RAPGEF2: variants seen among roughly 807,000 people sequenced by gnomAD.
The protein encoded by RAPGEF2 is PDZ domain containing guanine nucleotide exchange factor (GEF) 1.
Under a neutral mutation model 186.7 loss-of-function variants are expected in RAPGEF2, and 54 were observed. The ratio of observed to expected loss-of-function variants is 0.29; its 90% confidence interval spans 0.23 to 0.36. The LOEUF (loss-of-function observed/expected upper bound fraction) is 0.36, where lower values mean the gene tolerates loss of function less well. RAPGEF2 is among the 10% of genes least tolerant of loss of function. The probability of loss-of-function intolerance (pLI) is 1.00; values close to 1 mark genes in which losing one functional copy is unlikely to be tolerated. For synonymous variants in RAPGEF2, 712 were observed against 705.9 expected (o/e 1.01, Z -0.14); for missense variants, 1,532 against 2,045.0 (o/e 0.75, Z 4.84).
At chr4:159,275,851 T>A (rs1185870154) in intron 7 of RAPGEF2, among the ~76,000 whole-genome samples, 12 of 152,116 alleles carry the variant, frequency 7.9e-5, no homozygotes, top group Non-Finnish European at 1.8e-4. Context: ...TCCCTCTCTT[T>A]TCTTAGGGAA....
At chr4:159,111,124 C>A (rs920291162) in intron 1 of RAPGEF2, among the ~76,000 whole-genome samples, 3 of 152,086 alleles carry the variant, frequency 2.0e-5, no homozygotes, top group Admixed American at 2.0e-4. Flanking sequence ...CTTTTTCCCT[C>A]CAGTCTGTGA....
At chr4:159,198,071 A>G (rs977151984) in intron 3 of RAPGEF2, among the ~76,000 whole-genome samples, 2 of 151,704 alleles carry the variant, frequency 1.3e-5, no homozygotes, top group African/African-American at 2.4e-5. Context: ...TTATTACACT[A>G]TTTTTTCCTT....
At chr4:159,225,520 T>G (rs894631705) in intron 4 of RAPGEF2, among the ~76,000 whole-genome samples, 2 of 152,126 alleles carry the variant, frequency 1.3e-5, no homozygotes, top group Non-Finnish European at 2.9e-5. Context: ...AATTGATGGA[T>G]AGCATGGTAA....
chr4:159,209,821 GT>G (rs1750345697), intron 3 of RAPGEF2, among the ~76,000 whole-genome samples: 1 of 152,100 alleles, frequency 6.6e-6, no homozygotes, highest in Non-Finnish European at 1.5e-5. Context: ...GTTTTTATTT[GT>G]TTTTATATAA....
intron 10 of RAPGEF2, 83 bp from the exon 11 acceptor site, chr4:159,323,376 T>G: frequency 8.5e-7 from 1 of 1,170,724 alleles, no homozygotes; most frequent in Non-Finnish European, 1.2e-6. Flanking sequence ...GATCTGCTAA[T>G]TCATTTTTAG....
In RAPGEF2 at chr4:159,353,067, A is replaced by T. The variant is rs1167786009; in HGVS notation, c.4091+157A>T. On this transcript the variant is annotated intron_variant, in intron 27 of 29. Transcript: ENST00000691494. This position sits in a 1 kb window ranked among gnomAD's most constrained non-coding sequence, Gnocchi z 4.3. ...GATTTTCACAATTTCTACACTAAGTATCATGTTATTTTTGTTAAGCAGACT... is the reference window on the plus strand; with the variant it reads ...GATTTTCACAATTTCTACACTAAGTTTCATGTTATTTTTGTTAAGCAGACT... Among the ~76,000 whole-genome samples the T allele has an allele frequency of 6.6e-6, 1 of 152,202 alleles. No individual in the cohort carries two copies. Among genetic ancestry groups the T allele is most frequent in the African/African-American group, 2.4e-5 (1 of 41,442 alleles).
intron 7 of RAPGEF2, among the ~76,000 whole-genome samples, chr4:159,301,842 A>G (rs1041300325): frequency 2.6e-5 from 4 of 152,178 alleles, no homozygotes; most frequent in African/African-American, 9.7e-5. Context: ...CTGGGCAGTT[A>G]AGGAAGACCC....
chr4:159,233,856 T>C (rs1752927584), intron 4 of RAPGEF2, among the ~76,000 whole-genome samples: 1 of 152,178 alleles, frequency 6.6e-6, no homozygotes, highest in Non-Finnish European at 1.5e-5. Context: ...TATGAGTTTA[T>C]TCCTGGACTC....
intron 4 of RAPGEF2, among the ~76,000 whole-genome samples, chr4:159,213,690 T>A (rs1369968675): frequency 6.6e-6 from 1 of 152,196 alleles, no homozygotes; most frequent in Non-Finnish European, 1.5e-5. Flanking sequence ...GTTTTTGTTA[T>A]CTTCCTAGAT....
At position 159,169,017 on chromosome 4, in the gene RAPGEF2, C is replaced by A. The variant is rs74933676; in HGVS notation, c.70-17625C>A. ...TGTGAGAATCTTTTATCTATTCTAG[C>A]AAACTGAGTTTCTTTGAGGACCAGA... On this transcript the variant is annotated intron_variant, in intron 1 of 29. Transcript: ENST00000691494. Among the ~76,000 whole-genome samples the A allele has an allele frequency of 2.6e-3, 398 of 152,308 alleles. 3 individuals carry two copies. The highest frequency in any genetic ancestry group is 8.9e-3 in the African/African-American group (370 of 41,562).
At chr4:159,301,848 G>C (rs1343066999) in intron 7 of RAPGEF2, among the ~76,000 whole-genome samples, 1 of 152,112 alleles carries the variant, frequency 6.6e-6, no homozygotes, top group East Asian at 1.9e-4. Flanking sequence ...AGTTAAGGAA[G>C]ACCCTGTCTT....
chr4:159,295,077 A>C (rs1207672858), intron 7 of RAPGEF2, among the ~76,000 whole-genome samples: 1 of 152,220 alleles, frequency 6.6e-6, no homozygotes, highest in Non-Finnish European at 1.5e-5. Context: ...TGAAACGTTC[A>C]GCGTATTGCC....
chr4:159,255,723 C>T (rs943574045), intron 7 of RAPGEF2, among the ~76,000 whole-genome samples: 2 of 152,016 alleles, frequency 1.3e-5, no homozygotes, highest in Admixed American at 6.6e-5. Flanking sequence ...GTCTCATTTT[C>T]TTCCATACTG....
chr4:159,243,663 T>G (rs1404636706), intron 6 of RAPGEF2, 111 bp from the exon 7 acceptor site: 1 of 705,900 alleles, frequency 1.4e-6, no homozygotes, highest in African/African-American at 1.9e-5. Flanking sequence ...ATGATCATTC[T>G]TAACTTAATT....
At chr4:159,217,819 G>C (rs962507356) in intron 4 of RAPGEF2, among the ~76,000 whole-genome samples, 3 of 152,158 alleles carry the variant, frequency 2.0e-5, no homozygotes, top group Non-Finnish European at 4.4e-5. Flanking sequence ...TCCAGCATCT[G>C]TTGTTTTTTG....
chr4:159,352,690 A>T lies in RAPGEF2; in HGVS notation c.3871A>T (p.Thr1291Ser), dbSNP rs780380781. Residue 1291 changes from threonine to serine, a missense_variant, in exon 27 of 30, where the codon ACT becomes TCT. Physicochemically the swap from Thr to Ser is moderately conservative, Grantham distance 58 (BLOSUM62 1). Coordinates refer to ENST00000691494, the MANE Select transcript of RAPGEF2 (RefSeq NM_001394067.2). ...CGGTTGTATTTCTCATGCAGGCTAT[A>T]CTTTGGCTCCCAGTGGTACTGTGGA... is the stretch of plus-strand genomic sequence containing the variant. ...SPQSSPRKGY[T>S]LAPSGTVDNF... is the part of the protein sequence containing the mutation. The T allele has an allele frequency of 6.2e-7, 1 of 1,611,620 alleles. No individual in the cohort carries two copies. Among genetic ancestry groups the T allele is most frequent in the South Asian group, 1.1e-5 (1 of 91,022 alleles).
intron 7 of RAPGEF2, among the ~76,000 whole-genome samples, chr4:159,246,721 A>G (rs1178423361): frequency 6.6e-6 from 1 of 152,184 alleles, no homozygotes; most frequent in East Asian, 1.9e-4. Context: ...CTTAAATAAG[A>G]AGTAGGCAAT....
Position 159,348,698 on chromosome 4 carries a change from C to T in RAPGEF2, c.3713-1439C>T, listed in dbSNP as rs899636852. Among the ~76,000 whole-genome samples, 6 of 152,278 alleles carry T rather than the reference C, an allele frequency of 3.9e-5. No homozygotes were observed. The South Asian group carries it at 8.3e-4, about 21-fold the overall frequency. ...ACTTTAGCTAAAAATGCCTATTAGC[C>T]ATATTTAATATAATGTAGATGTCTC... On this transcript the variant is annotated intron_variant, in intron 25 of 29. Coordinates refer to ENST00000691494, the MANE Select transcript of RAPGEF2 (RefSeq NM_001394067.2).
chr4:159,110,136 A>G, intron 1 of RAPGEF2, among the ~76,000 whole-genome samples: 1 of 152,204 alleles, frequency 6.6e-6, no homozygotes, highest in Non-Finnish European at 1.5e-5. Context: ...GCACAGGATG[A>G]TCATGGATAT....
Sources: gnomAD v4.1 joint callset for allele counts (sites outside exome capture counted in the v4.1 genomes callset) on GRCh38, gnomAD v4.1.1 for gene constraint, Gnocchi (gnomAD v3.1) non-coding constraint, MANE v1.5 for transcripts, NCBI Gene and HGNC (gene_info 2026-07-23, HGNC 2026-07-21) for gene names.